Variants in DOCK10 observed in about 807,000 individuals in gnomAD.
DOCK10 encodes the protein dedicator of cytokinesis 10.
DOCK10 carries 145 observed loss-of-function variants against 280.1 expected under a neutral mutation model. The observed-to-expected ratio is 0.52, with a 90% CI of 0.45 to 0.59. DOCK10 has a LOEUF of 0.59. Ranked by LOEUF, DOCK10 falls within the 20% of genes least tolerant of loss-of-function variation. DOCK10 has a pLI of 0.00. For missense variants in DOCK10, 2,368 were observed against 2,651.7 expected (o/e 0.89, Z 2.35); for synonymous variants, 915 against 942.2 (o/e 0.97, Z 0.53).
intron 1 of DOCK10, among the ~76,000 whole-genome samples, chr2:224,949,033 T>C (rs895392441): frequency 8.5e-5 from 13 of 152,170 alleles, no homozygotes; most frequent in African/African-American, 2.7e-4. Context: ...TCCTGAAATA[T>C]TGGCAAAAAG....
At chr2:224,809,989 CAA>C (rs376029378) in intron 31 of DOCK10, among the ~76,000 whole-genome samples, 1,888 of 115,322 alleles carry the variant, frequency 0.016, 25 homozygotes, top group African/African-American at 0.058. Context: ...TATTCAGCCT[CAA>C]AAAAAAAAAA....
intron 2 of DOCK10, among the ~76,000 whole-genome samples, chr2:224,921,112 A>AAAAAAATATATATATATATATATAT: frequency 1.8e-5 from 1 of 54,418 alleles, no homozygotes; most frequent in Non-Finnish European, 3.0e-5. Flanking sequence ...AAAAAAAAAA[A>AAAAAAATATATATATATATATATAT]ATATATATAT....
At chr2:224,830,962 TCTCA>T (rs1430109209) in intron 26 of DOCK10, among the ~76,000 whole-genome samples, 10 of 152,158 alleles carry the variant, frequency 6.6e-5, no homozygotes, top group Non-Finnish European at 1.3e-4. Flanking sequence ...TTTGAGACAG[TCTCA>T]CTCTGTTGCC....
intron 3 of DOCK10, among the ~76,000 whole-genome samples, chr2:224,909,755 T>G (rs1700894930): frequency 2.2e-5 from 1 of 46,216 alleles, no homozygotes. Flanking sequence ...ATACACACAA[T>G]GTATAAGCAA....
chr2:224,825,532 T>C (rs1694787843), intron 27 of DOCK10, among the ~76,000 whole-genome samples: 2 of 151,662 alleles, frequency 1.3e-5, no homozygotes, highest in Non-Finnish European at 3.0e-5. Context: ...CTTTTAATTT[T>C]CAATTTTCGT....
At chr2:224,952,746 C>T (rs1703825697) in intron 1 of DOCK10, among the ~76,000 whole-genome samples, 1 of 151,674 alleles carries the variant, frequency 6.6e-6, no homozygotes, top group Non-Finnish European at 1.5e-5. Flanking sequence ...GCGCCCGCCA[C>T]TACGCCCGGC....
intron 11 of DOCK10, among the ~76,000 whole-genome samples, chr2:224,868,483 T>C (rs1316289843): frequency 3.9e-5 from 6 of 152,212 alleles, no homozygotes; most frequent in Non-Finnish European, 8.8e-5. Context: ...TCTACCAGTA[T>C]TCTAGGGGCA....
chr2:224,957,762 C>T (rs1334502533), intron 1 of DOCK10, among the ~76,000 whole-genome samples: 1 of 152,240 alleles, frequency 6.6e-6, no homozygotes, highest in African/African-American at 2.4e-5. Flanking sequence ...CAAAACACCA[C>T]TATTCAAATT....
At chr2:224,765,939 G>C (rs943290272) in intron 55 of DOCK10, 102 bp from the exon 56 acceptor site, 3 of 760,882 alleles carry the variant, frequency 3.9e-6, no homozygotes, top group African/African-American at 3.6e-5. Context: ...TTCCCCACAG[G>C]GTAATTTATT....
chr2:225,041,634 G>A (rs1040317249), intron 1 of DOCK10, among the ~76,000 whole-genome samples: 2 of 152,170 alleles, frequency 1.3e-5, no homozygotes, highest in East Asian at 3.8e-4. Flanking sequence ...AATGACCCAC[G>A]TCTCCTCCAG....
chr2:224,988,218 C>T (rs867341070), intron 1 of DOCK10, among the ~76,000 whole-genome samples: 1 of 152,160 alleles, frequency 6.6e-6, no homozygotes, highest in South Asian at 2.1e-4. Flanking sequence ...GTCCTTATCA[C>T]GGTACCCTGT....
chr2:224,776,468 C>T (rs1232974824), intron 51 of DOCK10, among the ~76,000 whole-genome samples: 1 of 152,092 alleles, frequency 6.6e-6, no homozygotes, highest in Admixed American at 6.5e-5. Context: ...TGTATACTTT[C>T]TACCTAGGAG....
At chr2:224,871,360 G>A (rs1001838606) in intron 11 of DOCK10, among the ~76,000 whole-genome samples, 22 of 151,892 alleles carry the variant, frequency 1.4e-4, no homozygotes, top group African/African-American at 5.1e-4. Flanking sequence ...CATTAGGAAA[G>A]CTTATCAGCC....
intron 1 of DOCK10, among the ~76,000 whole-genome samples, chr2:225,032,253 C>T (rs1190387230): frequency 1.3e-5 from 2 of 151,936 alleles, no homozygotes; most frequent in East Asian, 3.9e-4. Flanking sequence ...AAGACTTGGC[C>T]AAGGTTATAC....
At chr2:224,923,245 T>G (rs970435200) in intron 2 of DOCK10, among the ~76,000 whole-genome samples, 5 of 152,234 alleles carry the variant, frequency 3.3e-5, no homozygotes, top group African/African-American at 1.2e-4. Context: ...AAGTTAAGCA[T>G]GAAGACACAG....
At chr2:224,798,604 T>G (rs1203767828) in intron 41 of DOCK10, among the ~76,000 whole-genome samples, 2 of 151,740 alleles carry the variant, frequency 1.3e-5, no homozygotes, top group African/African-American at 4.8e-5. Flanking sequence ...GTAGACTTTA[T>G]TCAAAGAATC....
At chr2:224,816,543 A>G in intron 30 of DOCK10, 74 bp downstream of exon 30, 1 of 923,466 alleles carries the variant, frequency 1.1e-6, no homozygotes, top group Non-Finnish European at 1.7e-6. Flanking sequence ...AAATAATAAT[A>G]AACAAAAGGT....
At position 224,860,250 on chromosome 2, in the gene DOCK10, TC is replaced by T. The variant is rs368320706; in HGVS notation, c.1685+2413del. On this transcript the variant is annotated intron_variant, in intron 14 of 55. Coordinates refer to ENST00000258390, the MANE Select transcript of DOCK10 (RefSeq NM_014689.3). ...CAGGATTGTCACTTCTCCTAACTTC[TC>T]AGGTTCTTTCAATAATGGGTAATTC... 3.3e-3 allele frequency among the ~76,000 whole-genome samples: 508 copies of T among 152,310 alleles called. 2 individuals carry two copies. Among genetic ancestry groups the T allele is most frequent in the Middle Eastern group, 0.01 (3 of 294 alleles).
At chr2:224,800,936 G>T (rs555258510) in intron 40 of DOCK10, among the ~76,000 whole-genome samples, 2 of 152,100 alleles carry the variant, frequency 1.3e-5, no homozygotes, top group Non-Finnish European at 2.9e-5. Context: ...AACTGAAAGT[G>T]GGGGAGAGGG....
Sources: allele counts gnomAD v4.1 joint callset (sites outside exome capture counted in the v4.1 genomes callset), GRCh38; gene constraint gnomAD v4.1.1; transcripts MANE v1.5; gene names NCBI Gene and HGNC (gene_info 2026-07-23, HGNC 2026-07-21).